LINGO2: variants seen among roughly 807,000 people sequenced by gnomAD.
The protein encoded by LINGO2 is leucine-rich repeat and immunoglobulin-like domain-containing nogo receptor-interacting protein 2.
Under a neutral mutation model 30.6 loss-of-function variants are expected in LINGO2, and 14 were observed. The observed-to-expected ratio is 0.46, with a 90% confidence interval of 0.30 to 0.72. The LOEUF (loss-of-function observed/expected upper bound fraction) is 0.72, where lower values mean the gene tolerates loss of function less well. LINGO2 is among the 30% of genes least tolerant of loss of function. The pLI is 0.07. For missense variants in LINGO2, 729 were observed against 751.7 expected (o/e 0.97, Z 0.35); for synonymous variants, 317 against 288.5 (o/e 1.10, Z -1.00).
intron 2 of LINGO2, among the ~76,000 whole-genome samples, chr9:28,426,439 T>C (rs971216736): frequency 6.6e-6 from 1 of 152,138 alleles, no homozygotes; most frequent in African/African-American, 2.4e-5. Context: ...GAGAGTTATA[T>C]TTACAACCTA....
intron 1 of LINGO2, among the ~76,000 whole-genome samples, chr9:28,601,981 T>C (rs1825497826): frequency 6.6e-6 from 1 of 152,100 alleles, no homozygotes; most frequent in South Asian, 2.1e-4. Context: ...ATAACATTTT[T>C]CTCAGGTTGC....
chr9:28,263,901 A>C (rs1411620137), intron 4 of LINGO2, among the ~76,000 whole-genome samples: 3 of 152,010 alleles, frequency 2.0e-5, no homozygotes, highest in African/African-American at 4.8e-5. Flanking sequence ...GACTGGATTG[A>C]CATTGCAAGC....
At chr9:28,716,592 G>A in the LINGO2 span, among the ~76,000 whole-genome samples, 1 of 152,068 alleles carries the variant, frequency 6.6e-6, no homozygotes, top group East Asian at 1.9e-4. Context: ...ATTGTGCAGT[G>A]TATTCTGTAC....
chr9:28,873,238 CG>C, the LINGO2 span, among the ~76,000 whole-genome samples: 1 of 151,570 alleles, frequency 6.6e-6, no homozygotes, highest in Admixed American at 6.6e-5. Context: ...GGAGTGGTGG[CG>C]GGCACCTGTA....
the LINGO2 span, among the ~76,000 whole-genome samples, chr9:28,769,500 ATATATATATATATATATATTTTTTTTT>A: frequency 6.5e-3 from 36 of 5,516 alleles, 6 homozygotes; most frequent in Non-Finnish European, 8.7e-3. Context: ...ATATATATAT[ATATATATATATATATATATTTTTTTTT>A]TTTTTTTTTT....
rs985095627 is a variant in LINGO2, at chr9:28,501,470, T to G, written c.-364-25445A>C. Among the ~76,000 whole-genome samples, 8 of 152,128 alleles carry G rather than the reference T, an allele frequency of 5.3e-5. 1 individual carries two copies. Among genetic ancestry groups the G allele is most frequent in the African/African-American group, 1.9e-4 (8 of 41,426 alleles). ...ATTAAATTAATCCAACAAAGTCAAG[T>G]GGGGAAAAGGGCAATCTAAAGGAAG... On this transcript the variant is annotated intron_variant, in intron 1 of 5. Coordinates refer to ENST00000379992, the Ensembl canonical transcript of LINGO2.
At chr9:28,773,965 T>C in the LINGO2 span, among the ~76,000 whole-genome samples, 1 of 152,052 alleles carries the variant, frequency 6.6e-6, no homozygotes, top group African/African-American at 2.4e-5. Flanking sequence ...TTTTTGTAAA[T>C]ATAAGCAAGG....
chr9:28,850,870 C>T, the LINGO2 span, among the ~76,000 whole-genome samples: 1 of 152,004 alleles, frequency 6.6e-6, no homozygotes, highest in African/African-American at 2.4e-5. Context: ...CCCCAAAATG[C>T]CCACTTTGAA....
At chr9:28,945,869 G>T in the LINGO2 span, among the ~76,000 whole-genome samples, 2 of 152,064 alleles carry the variant, frequency 1.3e-5, no homozygotes, top group African/African-American at 4.8e-5. Flanking sequence ...TGAATAAAAT[G>T]CTCATTTTTA....
intron 4 of LINGO2, among the ~76,000 whole-genome samples, chr9:28,067,552 G>T (rs1825351590): frequency 6.6e-6 from 1 of 152,168 alleles, no homozygotes; most frequent in Non-Finnish European, 1.5e-5. Flanking sequence ...CTCGGACGAT[G>T]TACTTTGCCT....
chr9:28,907,826 C>G, the LINGO2 span, among the ~76,000 whole-genome samples: 5 of 151,600 alleles, frequency 3.3e-5, no homozygotes. Flanking sequence ...AAAGGAACTA[C>G]TTCTTGAAGA....
In LINGO2 at chr9:28,566,245, C is replaced by T. The variant is rs73441472; in HGVS notation, c.-364-90220G>A. On this transcript the variant is annotated intron_variant, in intron 1 of 5. Transcript: ENST00000379992. ...GGTGGAGGAGGATCTTTTAGGGGCT[C>T]GTGGCTGAAGCCACTTTGTCTACCA... is the stretch of plus-strand genomic sequence containing the variant. Among the ~76,000 whole-genome samples the T allele has an allele frequency of 2.2e-3, 341 of 152,182 alleles. 1 individual carries two copies. The highest frequency in any genetic ancestry group is 8.0e-3 in the African/African-American group (332 of 41,546).
chr9:28,197,363 A>G (rs1246235862), intron 4 of LINGO2, among the ~76,000 whole-genome samples: 1 of 152,008 alleles, frequency 6.6e-6, no homozygotes, highest in East Asian at 1.9e-4. Context: ...AAAATATCTT[A>G]AACAGTGTAG....
intron 1 of LINGO2, among the ~76,000 whole-genome samples, chr9:28,541,925 G>A (rs974768658): frequency 3.3e-5 from 5 of 152,092 alleles, no homozygotes; most frequent in Non-Finnish European, 5.9e-5. Flanking sequence ...GCTGAGACAG[G>A]CTGTTTTCAG....
At chr9:29,178,105 G>A in the LINGO2 span, among the ~76,000 whole-genome samples, 2 of 150,926 alleles carry the variant, frequency 1.3e-5, no homozygotes, top group South Asian at 4.2e-4. Flanking sequence ...GCCCAGACTA[G>A]AGTGCAGTGG....
At chr9:28,649,593 A>C (rs1396737105) in intron 1 of LINGO2, among the ~76,000 whole-genome samples, 1 of 151,892 alleles carries the variant, frequency 6.6e-6, no homozygotes, top group South Asian at 2.1e-4. Flanking sequence ...AGTTAAAAAA[A>C]TTTTAAGTTA....
At chr9:28,030,496 C>T (rs1353884957) in intron 4 of LINGO2, among the ~76,000 whole-genome samples, 1 of 152,172 alleles carries the variant, frequency 6.6e-6, no homozygotes, top group Admixed American at 6.6e-5. Flanking sequence ...AGAGACACTT[C>T]ACTCCCTTAT....
chr9:28,319,141 T>C (rs1029081831), intron 3 of LINGO2, among the ~76,000 whole-genome samples: 1 of 128,228 alleles, frequency 7.8e-6, no homozygotes, highest in Admixed American at 7.6e-5. Context: ...ATTTAAAGAG[T>C]CAGGATCTAC....
At position 28,305,308 on chromosome 9, in the gene LINGO2, G is replaced by A. The variant is rs118096187; in HGVS notation, c.-245-9942C>T. Among the ~76,000 whole-genome samples the A allele has an allele frequency of 9.9e-5, 15 of 152,052 alleles. No individual in the cohort carries two copies. In the East Asian group the frequency reaches 2.9e-3, roughly 29 times the overall value. On this transcript the variant is annotated intron_variant, in intron 3 of 5. Coordinates refer to ENST00000379992, the Ensembl canonical transcript of LINGO2. ...TCTGAATGCTTTCTTATTAAGATCA[G>A]GAAAAGGCAAGGATGTCAGCTCCCA...
Sources: allele counts gnomAD v4.1 joint callset (sites outside exome capture counted in the v4.1 genomes callset), GRCh38; gene constraint gnomAD v4.1.1; transcripts MANE v1.5; gene names NCBI Gene and HGNC (gene_info 2026-07-23, HGNC 2026-07-21).